Variants in MAP4K4 observed in about 807,000 individuals in gnomAD.
The protein encoded by MAP4K4 is HPK/GCK-like kinase HGK.
Under a neutral mutation model 189.6 loss-of-function variants are expected in MAP4K4, and 38 were observed. The ratio of observed to expected loss-of-function variants is 0.20; its 90% CI spans 0.15 to 0.26. The LOEUF is 0.26. MAP4K4 is among the 10% of genes least tolerant of loss of function. The pLI is 1.00. For synonymous variants in MAP4K4, 610 were observed against 624.3 expected (o/e 0.98, Z 0.34); for missense variants, 1,054 against 1,726.9 (o/e 0.61, Z 6.91).
intron 27 of MAP4K4, among the ~76,000 whole-genome samples, chr2:101,881,586 A>G (rs2098392205): frequency 6.6e-6 from 1 of 152,112 alleles, no homozygotes; most frequent in South Asian, 2.1e-4. Flanking sequence ...GAGAAGGGAA[A>G]TCCTTCACTT....
At chr2:101,879,524 T>C (rs898819652) in intron 27 of MAP4K4, among the ~76,000 whole-genome samples, 9 of 152,176 alleles carry the variant, frequency 5.9e-5, no homozygotes, top group African/African-American at 2.2e-4. Context: ...TCTTAACATA[T>C]ATTGAATATT....
chr2:101,873,622 A>T, intron 24 of MAP4K4, 25 bp from the exon 25 acceptor site: 1 of 1,214,178 alleles, frequency 8.2e-7, no homozygotes, highest in Non-Finnish European at 1.2e-6. Flanking sequence ...CAGTTGTATT[A>T]ATAACATTGA....
At chr2:101,729,124 G>GTGTGTT (rs2057212775) in intron 2 of MAP4K4, among the ~76,000 whole-genome samples, 1 of 151,878 alleles carries the variant, frequency 6.6e-6, no homozygotes, top group Non-Finnish European at 1.5e-5. Context: ...GTGTGTGTGT[G>GTGTGTT]TGTGTGTCCT....
At chr2:101,880,288 CT>C (rs2150185198) in intron 27 of MAP4K4, among the ~76,000 whole-genome samples, 1 of 152,200 alleles carries the variant, frequency 6.6e-6, no homozygotes, top group East Asian at 1.9e-4. Context: ...CTTGGATTTT[CT>C]TCTGTTACCT....
At chr2:101,887,388 C>T (rs2150314120) in intron 30 of MAP4K4, 151 bp downstream of exon 30, 2 of 723,018 alleles carry the variant, frequency 2.8e-6, no homozygotes, top group Non-Finnish European at 4.3e-6. Flanking sequence ...TTTTCAATAG[C>T]TCCATGCTCT....
At chr2:101,703,518 T>A (rs2040222550) in intron 2 of MAP4K4, among the ~76,000 whole-genome samples, 1 of 146,210 alleles carries the variant, frequency 6.8e-6, no homozygotes, top group Non-Finnish European at 1.5e-5. Context: ...CTTGGGAGGC[T>A]GAGGTGGGAG....
exon 17 of MAP4K4, chr2:101,864,020 C>G: frequency 1.5e-6 from 2 of 1,366,872 alleles, no homozygotes; most frequent in Non-Finnish European, 2.0e-6. Flanking sequence ...AAGGCTTGGT[C>G]TAGATCAGAC....
intron 5 of MAP4K4, among the ~76,000 whole-genome samples, chr2:101,829,090 C>G (rs1266420579): frequency 6.6e-6 from 1 of 152,196 alleles, no homozygotes; most frequent in Non-Finnish European, 1.5e-5. Context: ...TTTCAAAGCC[C>G]TCTCTTGCCC....
rs575447681 is a variant in MAP4K4, at chr2:101,725,905, T to G, written c.123+27367T>G. 6.7e-4 allele frequency among the ~76,000 whole-genome samples: 102 copies of G among 152,338 alleles called. 1 individual carries two copies. The highest frequency in any genetic ancestry group is 2.5e-3 in the African/African-American group (102 of 41,562). On this transcript the variant is annotated intron_variant, in intron 2 of 32. Coordinates refer to ENST00000324219, the Ensembl canonical transcript of MAP4K4. Reference sequence around the variant, plus strand: ...CTCTTCCACATAAACCTACCTTGTCTTCCCCTTACAACCTATTTTTTTGTG... The same window carrying G: ...CTCTTCCACATAAACCTACCTTGTCGTCCCCTTACAACCTATTTTTTTGTG...
intron 2 of MAP4K4, among the ~76,000 whole-genome samples, chr2:101,742,471 C>T (rs534222459): frequency 2.0e-5 from 3 of 152,298 alleles, no homozygotes; most frequent in Non-Finnish European, 1.5e-5. Flanking sequence ...TTGCTTCTCT[C>T]TCAGCCTCTT....
At chr2:101,780,993 G>A (rs949398706) in intron 2 of MAP4K4, among the ~76,000 whole-genome samples, 3 of 152,154 alleles carry the variant, frequency 2.0e-5, no homozygotes, top group Non-Finnish European at 4.4e-5. Context: ...AGCCAGTTGG[G>A]TTTTTCAAGT....
intron 20 of MAP4K4, chr2:101,867,709 A>G (rs2149983622): frequency 7.2e-6 from 3 of 416,404 alleles, no homozygotes; most frequent in East Asian, 3.9e-5. Flanking sequence ...TCGTGAGTTC[A>G]GCATTTACAA....
intron 2 of MAP4K4, among the ~76,000 whole-genome samples, chr2:101,753,946 G>A (rs944945875): frequency 2.0e-5 from 3 of 152,274 alleles, no homozygotes; most frequent in African/African-American, 4.8e-5. Flanking sequence ...CAGAAGGGTG[G>A]ACAGCTAGCG....
chr2:101,797,891 T>TTTTTTTTTTG (rs2093932744), intron 3 of MAP4K4, among the ~76,000 whole-genome samples: 1 of 8,968 alleles, frequency 1.1e-4, no homozygotes, highest in African/African-American at 1.5e-3. Flanking sequence ...TTCTTTTAGT[T>TTTTTTTTTTG]TTTTTTTTTT....
intron 12 of MAP4K4, among the ~76,000 whole-genome samples, chr2:101,855,489 A>G (rs974980387): frequency 9.2e-5 from 14 of 152,226 alleles, no homozygotes; most frequent in Admixed American, 2.0e-4. Flanking sequence ...AAATACTTAT[A>G]TTAATAATAA....
chr2:101,825,464 A>C, intron 5 of MAP4K4, 35 bp downstream of exon 5: 7 of 1,367,564 alleles, frequency 5.1e-6, no homozygotes, highest in Non-Finnish European at 7.3e-6. Context: ...GCTCCAACTC[A>C]TGATCCTGTG....
intron 2 of MAP4K4, among the ~76,000 whole-genome samples, chr2:101,741,961 C>T (rs888244382): frequency 7.2e-5 from 11 of 152,106 alleles, no homozygotes; most frequent in South Asian, 2.1e-4. Context: ...CTAGATAGTG[C>T]GGCTGAAAGG....
chr2:101,802,563 G>T (rs2094468526), intron 3 of MAP4K4, among the ~76,000 whole-genome samples: 2 of 151,968 alleles, frequency 1.3e-5, no homozygotes, highest in African/African-American at 4.8e-5. Flanking sequence ...TGTTCATTGT[G>T]CCTGGAATGC....
chr2:101,722,343 G>A (rs1348501093), intron 2 of MAP4K4, among the ~76,000 whole-genome samples: 1 of 152,150 alleles, frequency 6.6e-6, no homozygotes, highest in Non-Finnish European at 1.5e-5. Context: ...GCCAATTTTG[G>A]CCCTGCAACT....
Sources: gnomAD v4.1 joint callset for allele counts (sites outside exome capture counted in the v4.1 genomes callset) on GRCh38, gnomAD v4.1.1 for gene constraint, MANE v1.5 for transcripts, NCBI Gene and HGNC (gene_info 2026-07-23, HGNC 2026-07-21) for gene names.